The following TNFRSF10D variants were observed in gnomAD, a reference collection of about 807,000 sequenced individuals.
TNFRSF10D encodes the protein TNF receptor superfamily member 10d.
TNFRSF10D carries 28 observed loss-of-function variants against 42.1 expected under a neutral mutation model. The observed-to-expected ratio is 0.66, with a 90% CI of 0.49 to 0.91. The LOEUF is 0.91. Among genes scored for constraint, TNFRSF10D ranks in the 40% least tolerant of loss-of-function variants. The pLI is 0.00. For synonymous variants in TNFRSF10D, 186 were observed against 189.4 expected, an observed-to-expected ratio of 0.98 and a Z score of 0.15; for missense variants, 503 against 486.1, an observed-to-expected ratio of 1.03 and a Z score of -0.33.
At chr8:23,153,553 T>C (rs776554245) in intron 2 of TNFRSF10D, among the ~76,000 whole-genome samples, 2 of 152,046 alleles carry the variant, frequency 1.3e-5, no homozygotes, top group Non-Finnish European at 2.9e-5. Context: ...AACGGACGCA[T>C]GGGCAAGGGA....
chr8:23,151,957 G>A (rs1406977631), intron 2 of TNFRSF10D, among the ~76,000 whole-genome samples: 1 of 152,180 alleles, frequency 6.6e-6, no homozygotes, highest in African/African-American at 2.4e-5. Flanking sequence ...GATGTTCACA[G>A]GAAACTTATT....
chr8:23,152,268 G>A (rs1800221317), intron 2 of TNFRSF10D, among the ~76,000 whole-genome samples: 1 of 152,220 alleles, frequency 6.6e-6, no homozygotes, highest in South Asian at 2.1e-4. Context: ...ACACTTTGCA[G>A]CACTTACGGG....
At chr8:23,155,851 C>T (rs1276069719) in intron 1 of TNFRSF10D, among the ~76,000 whole-genome samples, 1 of 151,364 alleles carries the variant, frequency 6.6e-6, no homozygotes, top group East Asian at 1.9e-4. Flanking sequence ...CACACACAGA[C>T]ACACACATAA....
intron 2 of TNFRSF10D, among the ~76,000 whole-genome samples, chr8:23,152,070 T>A (rs1800218971): frequency 6.6e-6 from 1 of 152,228 alleles, no homozygotes; most frequent in African/African-American, 2.4e-5. Flanking sequence ...GGCTCTTGTC[T>A]GACCTATGTC....
intron 1 of TNFRSF10D, among the ~76,000 whole-genome samples, chr8:23,158,069 C>T (rs182582422): frequency 6.1e-3 from 932 of 152,240 alleles, no homozygotes; most frequent in African/African-American, 0.019. Flanking sequence ...TCAGGCAGTC[C>T]GGCTGTGCAC....
intron 2 of TNFRSF10D, among the ~76,000 whole-genome samples, chr8:23,154,421 T>C (rs1465389116): frequency 1.3e-5 from 2 of 152,264 alleles, no homozygotes; most frequent in African/African-American, 2.4e-5. Context: ...TGGGATAGTA[T>C]TGCATACACC....
At chr8:23,159,961 C>A (rs1394025522) in intron 1 of TNFRSF10D, among the ~76,000 whole-genome samples, 1 of 151,830 alleles carries the variant, frequency 6.6e-6, no homozygotes, top group Non-Finnish European at 1.5e-5. Context: ...TCAAGGGGAG[C>A]TTCGCTTCCC....
At chr8:23,163,385 G>C (rs1338518883) in intron 1 of TNFRSF10D, among the ~76,000 whole-genome samples, 2 of 152,114 alleles carry the variant, frequency 1.3e-5, no homozygotes, top group Non-Finnish European at 2.9e-5. Flanking sequence ...TTACAGGCGT[G>C]AGCCACCGCG....
In TNFRSF10D at chr8:23,137,840, G is replaced by C. The variant is rs1295721692; in HGVS notation, c.*30C>G. ...CCTTTGTAGGAGAAAAGGTAAATGA[G>C]GGAAGCTCTGGTTTCCTGAAGAGAT... On this transcript the variant is annotated 3_prime_UTR_variant, in exon 9 of 9. Coordinates refer to ENST00000312584, the MANE Select transcript of TNFRSF10D (RefSeq NM_003840.5). The C allele has an allele frequency of 1.3e-6, 2 of 1,599,004 alleles. No individual in the cohort carries two copies. Among genetic ancestry groups the C allele is most frequent in the Non-Finnish European group, 1.7e-6 (2 of 1,174,240 alleles).
At chr8:23,139,001 A>T (rs1814396025) in intron 7 of TNFRSF10D, among the ~76,000 whole-genome samples, 1 of 152,194 alleles carries the variant, frequency 6.6e-6, no homozygotes, top group Non-Finnish European at 1.5e-5. Flanking sequence ...AGGCAACAAG[A>T]TGGAAAATTA....
rs193201133 is a variant in TNFRSF10D at position 23,147,031 on chromosome 8, C to T, written c.412G>A (p.Val138Met). The T allele has an allele frequency of 3.8e-5, 62 of 1,613,794 alleles. No individual in the cohort carries two copies. Among genetic ancestry groups the T allele is most frequent in the East Asian group, 3.3e-4 (15 of 44,878 alleles). Residue 138 changes from valine (V) to methionine (M), a missense_variant, in exon 4 of 9, where the codon GTG (valine) becomes ATG (methionine). By Grantham distance (21) the Val-to-Met change is conservative. Transcript: ENST00000312584. ...AAGCTTCCTTTTTCACACTGACACA[C>T]GGTGTCTCTGGTCGTGGTACAGGAA... ...KSSCTTTRDT[V>M]CQCEKGSFQD...
intron 7 of TNFRSF10D, among the ~76,000 whole-genome samples, chr8:23,144,202 A>C (rs917801242): frequency 6.6e-6 from 1 of 152,160 alleles, no homozygotes; most frequent in Non-Finnish European, 1.5e-5. Flanking sequence ...TGTGACACCC[A>C]CTCTATGCCT....
rs1265765441 is a variant in TNFRSF10D at position 23,137,185 on chromosome 8, A to C, written c.*685T>G. 2 of 152,234 alleles carry C rather than the reference A, an allele frequency of 1.3e-5. No individual in the cohort carries two copies. The highest frequency in any genetic ancestry group is 2.9e-5 in the Non-Finnish European group (2 of 68,052). 9.4% of individuals were successfully genotyped at this position (152,234 alleles called of 1,614,324 possible). On this transcript the variant is annotated 3_prime_UTR_variant, in exon 9 of 9. Coordinates refer to ENST00000312584, the MANE Select transcript of TNFRSF10D (RefSeq NM_003840.5). ...ATCCTATCTTAAAGCTCAAAACTCT[A>C]AGTCGAACCCTCGTAAGTCCATATG... is the stretch of plus-strand genomic sequence containing the variant.
chr8:23,163,232 A>G (rs1399609490), intron 1 of TNFRSF10D, among the ~76,000 whole-genome samples: 2 of 151,196 alleles, frequency 1.3e-5, no homozygotes, highest in Non-Finnish European at 2.9e-5. Flanking sequence ...CCTCCCGAGT[A>G]GCTGGGATTA....
chr8:23,143,018 C>T (rs1429065178), intron 7 of TNFRSF10D, among the ~76,000 whole-genome samples: 1 of 152,084 alleles, frequency 6.6e-6, no homozygotes, highest in Admixed American at 6.5e-5. Flanking sequence ...ACTCTGTAGC[C>T]CAGGCTGGAG....
At chr8:23,155,019 G>C in intron 1 of TNFRSF10D, 40 bp from the exon 2 acceptor site, 1 of 1,483,960 alleles carries the variant, frequency 6.7e-7, no homozygotes, top group Non-Finnish European at 9.2e-7. Context: ...GTGGCTTCCA[G>C]ACCTTACCTC....
chr8:23,160,823 C>A (rs1800356673), intron 1 of TNFRSF10D, among the ~76,000 whole-genome samples: 1 of 152,230 alleles, frequency 6.6e-6, no homozygotes, highest in Non-Finnish European at 1.5e-5. Flanking sequence ...ACCTTTCCTG[C>A]TCATCTTCAA....
chr8:23,150,439 G>C (rs779176491), intron 2 of TNFRSF10D, among the ~76,000 whole-genome samples: 1 of 152,216 alleles, frequency 6.6e-6, no homozygotes, highest in Non-Finnish European at 1.5e-5. Flanking sequence ...GTAAATACTG[G>C]ATTAAGTCCC....
chr8:23,138,164 C>T (rs200895558), intron 8 of TNFRSF10D, 24 bp downstream of exon 8: 42 of 1,614,020 alleles, frequency 2.6e-5, no homozygotes, highest in East Asian at 6.7e-5. Context: ...CCTCCTGCTG[C>T]GTCTCAAGGC....
Sources: allele counts gnomAD v4.1 joint callset (sites outside exome capture counted in the v4.1 genomes callset), GRCh38; gene constraint gnomAD v4.1.1; transcripts MANE v1.5; gene names NCBI Gene and HGNC (gene_info 2026-07-23, HGNC 2026-07-21).